MPPED1: variants seen among roughly 807,000 people sequenced by gnomAD.
The protein encoded by MPPED1 is metallophosphoesterase domain-containing protein 1.
MPPED1 carries 16 observed loss-of-function variants against 36.2 expected under a neutral mutation model. The observed-to-expected ratio is 0.44, with a 90% CI of 0.30 to 0.67. The LOEUF is 0.67. MPPED1 is among the 30% of genes least tolerant of loss of function. The pLI is 0.10. For synonymous variants in MPPED1, 199 were observed against 191.3 expected, an observed-to-expected ratio of 1.04 and a Z score of -0.33; for missense variants, 307 against 453.4, an observed-to-expected ratio of 0.68 and a Z score of 2.93.
chr22:43,495,916 A>G (rs371563883), intron 4 of MPPED1, among the ~76,000 whole-genome samples: 897 of 13,544 alleles, frequency 0.066, no homozygotes, highest in Non-Finnish European at 0.075. Context: ...TGGTGGAGGT[A>G]GTGGTGGTGG....
At chr22:43,422,428 G>A (rs1313156641) in intron 1 of MPPED1, among the ~76,000 whole-genome samples, 1 of 152,222 alleles carries the variant, frequency 6.6e-6, no homozygotes, top group African/African-American at 2.4e-5. Flanking sequence ...CCGGGGGCCG[G>A]CCTGTGTGGC....
chr22:43,498,419 G>C, intron 5 of MPPED1, 69 bp downstream of exon 5: 1 of 1,295,456 alleles, frequency 7.7e-7, no homozygotes, highest in Non-Finnish European at 1.1e-6. Context: ...GGGATGGGGG[G>C]CTGGCTGGGC....
At chr22:43,486,107 G>C (rs1290479015) in intron 4 of MPPED1, among the ~76,000 whole-genome samples, 1 of 152,238 alleles carries the variant, frequency 6.6e-6, no homozygotes, top group Non-Finnish European at 1.5e-5. Flanking sequence ...ACATCCCCAG[G>C]AGACAGACAC....
chr22:43,498,906 T>C (rs1212946022), intron 5 of MPPED1, among the ~76,000 whole-genome samples: 1 of 152,112 alleles, frequency 6.6e-6, no homozygotes, highest in Non-Finnish European at 1.5e-5. Context: ...CCTTTCCTCA[T>C]TCCCACAGCC....
At chr22:43,494,341 C>T (rs1055837286) in intron 4 of MPPED1, among the ~76,000 whole-genome samples, 2 of 152,222 alleles carry the variant, frequency 1.3e-5, no homozygotes, top group Admixed American at 6.5e-5. Flanking sequence ...TGCTTGGCCA[C>T]ACTCTTGTGG....
At chr22:43,480,161 C>G (rs1240453530) in intron 4 of MPPED1, among the ~76,000 whole-genome samples, 1 of 152,192 alleles carries the variant, frequency 6.6e-6, no homozygotes, top group Non-Finnish European at 1.5e-5. Context: ...GCCACACACT[C>G]TGAGGCCCGC....
intron 4 of MPPED1, among the ~76,000 whole-genome samples, chr22:43,485,989 C>T (rs1314977974): frequency 2.0e-5 from 3 of 152,218 alleles, no homozygotes; most frequent in African/African-American, 7.2e-5. Context: ...TGTCCATCTC[C>T]CCCAGCCTTT....
In MPPED1 at chr22:43,466,827, C is replaced by T. The variant is rs888488116; in HGVS notation, c.407-7909C>T. ...CCTTGCCCAACCCTTCCTTTGGAAACCATGAAACAGGCTCCTGCCCATGTT... is the reference window on the plus strand; with the variant it reads ...CCTTGCCCAACCCTTCCTTTGGAAATCATGAAACAGGCTCCTGCCCATGTT... On this transcript the variant is annotated intron_variant, in intron 3 of 6. Coordinates refer to ENST00000443721, the MANE Select transcript of MPPED1 (RefSeq NM_001044370.2). Among the ~76,000 whole-genome samples the T allele has an allele frequency of 7.2e-5, 11 of 152,292 alleles. No individual in the cohort carries two copies. In the East Asian group the frequency reaches 2.1e-3, roughly 29 times the overall value.
At chr22:43,434,851 T>C (rs1601955890) in intron 2 of MPPED1, among the ~76,000 whole-genome samples, 183 bp from the exon 3 acceptor site, 1 of 152,210 alleles carries the variant, frequency 6.6e-6, no homozygotes, top group Admixed American at 6.5e-5. Flanking sequence ...TGGCTAAAGA[T>C]GAGAGAAGTC....
intron 1 of MPPED1, among the ~76,000 whole-genome samples, chr22:43,415,661 A>C (rs578006127): frequency 1.9e-4 from 29 of 152,338 alleles, no homozygotes; most frequent in Middle Eastern, 3.4e-3. Context: ...ATCATCATAA[A>C]TAGAAGCAGC....
At chr22:43,458,587 A>T (rs1930837636) in intron 3 of MPPED1, among the ~76,000 whole-genome samples, 2 of 152,112 alleles carry the variant, frequency 1.3e-5, no homozygotes, top group African/African-American at 4.8e-5. Flanking sequence ...CCTGGCCTGT[A>T]CTGTCTTTTA....
intron 5 of MPPED1, among the ~76,000 whole-genome samples, chr22:43,499,699 A>T (rs868665600): frequency 4.7e-4 from 28 of 60,070 alleles, no homozygotes; most frequent in African/African-American, 1.4e-3. Flanking sequence ...GTGGTGGTGG[A>T]GGTGATGATG....
intron 3 of MPPED1, among the ~76,000 whole-genome samples, chr22:43,472,454 G>A (rs1474253412): frequency 1.3e-5 from 2 of 152,218 alleles, no homozygotes; most frequent in African/African-American, 2.4e-5. Context: ...GAGGCACAGG[G>A]AAGCTAAGTC....
At chr22:43,441,214 A>G (rs1166136393) in intron 3 of MPPED1, among the ~76,000 whole-genome samples, 1 of 152,188 alleles carries the variant, frequency 6.6e-6, no homozygotes, top group Non-Finnish European at 1.5e-5. Flanking sequence ...AGTAAGATGA[A>G]GCACTTCACT....
intron 6 of MPPED1, among the ~76,000 whole-genome samples, chr22:43,503,462 G>C (rs1932766768): frequency 1.3e-5 from 2 of 152,186 alleles, no homozygotes; most frequent in Non-Finnish European, 2.9e-5. Flanking sequence ...GTTTCCCCCA[G>C]AGACATCTCC....
rs113186308 is a variant in MPPED1 at position 43,453,621 on chromosome 22, G to A, written c.406+18406G>A. On this transcript the variant is annotated intron_variant, in intron 3 of 6. Coordinates refer to ENST00000443721, the MANE Select transcript of MPPED1 (RefSeq NM_001044370.2). ...TCCCGAAACCCCGTTGACTTCTACA[G>A]TTCTAGAATTGTTTATTTCCAAGAT... is the stretch of plus-strand genomic sequence containing the variant. Among the ~76,000 whole-genome samples the A allele has an allele frequency of 8.4e-3, 1,281 of 152,200 alleles. 15 individuals carry two copies. Among genetic ancestry groups the A allele is most frequent in the African/African-American group, 0.03 (1,229 of 41,520 alleles).
intron 3 of MPPED1, among the ~76,000 whole-genome samples, chr22:43,440,055 A>G (rs1264568561): frequency 2.0e-5 from 3 of 152,200 alleles, no homozygotes; most frequent in Non-Finnish European, 1.5e-5. Context: ...TCAAGGCTTC[A>G]TGTCCAGCGC....
intron 5 of MPPED1, among the ~76,000 whole-genome samples, chr22:43,500,411 GATGGAGGTGGTA>G (rs1406651092): frequency 4.0e-5 from 6 of 151,574 alleles, no homozygotes; most frequent in East Asian, 3.9e-4. Context: ...TAGTGGTGGT[GATGGAGGTGGTA>G]ATGGAGGTGG....
Position 43,502,867 on chromosome 22 carries a change from C to T in MPPED1, c.862+110C>T. On this transcript the variant is annotated intron_variant, in intron 6 of 6. Transcript: ENST00000443721. This position sits in a 1 kb window ranked among gnomAD's most constrained non-coding sequence, Gnocchi z 5.5. ...AAGGGAAATAAATAGCCCATTCCTA[C>T]TGTTCGCTTTGTAACTGCTAACTGC... 1 of 908,218 alleles carries T rather than the reference C, an allele frequency of 1.1e-6. No homozygotes were observed. Among genetic ancestry groups the T allele is most frequent in the Non-Finnish European group, 1.8e-6 (1 of 560,276 alleles). 56.3% of individuals were successfully genotyped at this position (908,218 alleles called of 1,614,324 possible).
Sources: allele counts gnomAD v4.1 joint callset (sites outside exome capture counted in the v4.1 genomes callset), GRCh38; gene constraint gnomAD v4.1.1; non-coding constraint Gnocchi (gnomAD v3.1); transcripts MANE v1.5; gene names NCBI Gene and HGNC (gene_info 2026-07-23, HGNC 2026-07-21).